MYO9B: variants seen among roughly 807,000 people sequenced by gnomAD.
MYO9B encodes myosin IXB.
In MYO9B, 71 loss-of-function variants were observed where a neutral mutation model predicts 229.5. The ratio of observed to expected loss-of-function variants is 0.31; its 90% CI spans 0.26 to 0.38. The LOEUF is 0.38. Among genes scored for constraint, MYO9B ranks in the 10% least tolerant of loss-of-function variants. The pLI is 1.00. For synonymous variants in MYO9B, 1,185 were observed against 1,235.8 expected, an observed-to-expected ratio of 0.96 and a Z score of 0.86; for missense variants, 2,255 against 2,920.5, an observed-to-expected ratio of 0.77 and a Z score of 5.25.
At chr19:17,096,429 G>C (rs1015213769) in intron 1 of MYO9B, among the ~76,000 whole-genome samples, 5 of 152,020 alleles carry the variant, frequency 3.3e-5, no homozygotes, top group Non-Finnish European at 7.4e-5. Context: ...GACTTTGGGA[G>C]GTCAAGGCAG....
At chr19:17,181,644 C>T (rs1043760133) in intron 15 of MYO9B, among the ~76,000 whole-genome samples, 48 of 152,252 alleles carry the variant, frequency 3.2e-4, no homozygotes, top group African/African-American at 1.1e-3. Flanking sequence ...CATCCACCTG[C>T]GGTCACCACA....
intron 36 of MYO9B, 97 bp downstream of exon 36, chr19:17,209,806 G>A (rs1316261348): frequency 3.5e-6 from 5 of 1,442,620 alleles, no homozygotes; most frequent in Middle Eastern, 2.4e-4. Context: ...GGGAAGGCTG[G>A]TGAGTGGGGT....
chr19:17,104,742 C>A (rs978236308), intron 2 of MYO9B, among the ~76,000 whole-genome samples: 1 of 151,140 alleles, frequency 6.6e-6, no homozygotes, highest in South Asian at 2.1e-4. Flanking sequence ...AAAAAAAAAA[C>A]AAAAAAACAG....
chr19:17,093,968 A>T (rs2057664144), intron 1 of MYO9B, among the ~76,000 whole-genome samples: 1 of 151,858 alleles, frequency 6.6e-6, no homozygotes, highest in African/African-American at 2.4e-5. Context: ...TGCCCTCCTC[A>T]GCCTCCCAAA....
intron 3 of MYO9B, 186 bp from the exon 4 acceptor site, chr19:17,152,458 G>A (rs995941572): frequency 7.9e-6 from 4 of 503,416 alleles, no homozygotes; most frequent in Non-Finnish European, 1.1e-5. Context: ...AACCACTGTG[G>A]GGGCCGAGGC....
At position 17,200,801 on chromosome 19, in the gene MYO9B, A is replaced by C; in HGVS notation, c.4535A>C (p.Lys1512Thr). 1 of 1,614,058 alleles carries C rather than the reference A, an allele frequency of 6.2e-7. No homozygotes were observed. Among genetic ancestry groups the C allele is most frequent in the East Asian group, 2.2e-5 (1 of 44,888 alleles). Residue 1512 changes from lysine (K) to threonine (T), a missense_variant, in exon 26 of 40, where the codon AAG (lysine) becomes ACG (threonine). Lys to Thr is a moderately conservative substitution (Grantham distance 78). Transcript: ENST00000682292. ...FRQITNANEL[K>T]YLDEFLLNKI... The stretch of plus-strand genomic sequence containing the variant: ...CAGATCACCAACGCCAATGAGCTCA[A>C]GTACCTGGACGAGTTCCTGCTCAAC...
Position 17,211,723 on chromosome 19 carries a change from G to T in MYO9B, c.6007G>T (p.Ala2003Ser). The stretch of plus-strand genomic sequence containing the variant: ...GGAGAACCTGGACTCGGAGACGTCG[G>T]CCAGCACCGAGAGCCTGCTGGAGGA... ...DEENLDSETSASTESLLEERA... is the reference protein window; with the variant it reads ...DEENLDSETSSSTESLLEERA... The change falls in exon 39 of 40, where the codon GCC becomes TCC. Residue 2003 changes from alanine to serine, a missense_variant. Ala to Ser is a moderately conservative substitution (Grantham distance 99, BLOSUM62 1). Transcript: ENST00000682292. 1 of 1,612,986 alleles carries T rather than the reference G, an allele frequency of 6.2e-7. No individual in the cohort carries two copies. The highest frequency in any genetic ancestry group is 8.5e-7 in the Non-Finnish European group (1 of 1,179,736).
At chr19:17,146,565 AGATGGATTCATGGGTG>A (rs2072414074) in intron 3 of MYO9B, among the ~76,000 whole-genome samples, 1 of 151,292 alleles carries the variant, frequency 6.6e-6, no homozygotes, top group South Asian at 2.1e-4. Flanking sequence ...ATGGATAGAT[AGATGGATTCATGGGTG>A]GATGGATTCA....
intron 10 of MYO9B, 88 bp from the exon 11 acceptor site, chr19:17,167,855 G>A (rs2072677099): frequency 1.0e-5 from 15 of 1,477,698 alleles, no homozygotes; most frequent in Non-Finnish European, 1.4e-5. Context: ...TTCGGATTAG[G>A]GATACTCGAC....
chr19:17,211,853 G>T (rs774075582), intron 39 of MYO9B, 42 bp from the exon 40 acceptor site: 1 of 1,603,206 alleles, frequency 6.2e-7, no homozygotes, highest in Admixed American at 1.7e-5. Context: ...TCCGGCTGCC[G>T]GCCCTGAAGC....
At chr19:17,179,916 A>AAT (rs2072837770) in intron 14 of MYO9B, among the ~76,000 whole-genome samples, 6 of 151,170 alleles carry the variant, frequency 4.0e-5, no homozygotes, top group African/African-American at 1.5e-4. Flanking sequence ...AAATAAAATA[A>AAT]AAATAAAAAT....
chr19:17,091,779 C>T (rs1231947863), intron 1 of MYO9B, among the ~76,000 whole-genome samples: 3 of 152,190 alleles, frequency 2.0e-5, no homozygotes, highest in African/African-American at 7.2e-5. Context: ...CCCTTCCCTG[C>T]AGCCCTGGCT....
chr19:17,168,261 C>T (rs1376592404), intron 11 of MYO9B, among the ~76,000 whole-genome samples, 197 bp downstream of exon 11: 1 of 152,170 alleles, frequency 6.6e-6, no homozygotes, highest in Non-Finnish European at 1.5e-5. Context: ...ACCTCCTGGG[C>T]TCAAGTGATC....
At chr19:17,162,292 A>G in intron 8 of MYO9B, 58 bp from the exon 9 acceptor site, 4 of 1,410,048 alleles carry the variant, frequency 2.8e-6, no homozygotes, top group South Asian at 1.2e-5. Context: ...ATGACAGAGC[A>G]AGACTCCAGC....
Position 17,101,607 on chromosome 19 carries a change from C to A in MYO9B, c.-58-53C>A. 1 of 1,433,988 alleles carries A rather than the reference C, an allele frequency of 7.0e-7. No individual in the cohort carries two copies. Among genetic ancestry groups the A allele is most frequent in the Non-Finnish European group, 9.1e-7 (1 of 1,094,472 alleles). The allele number at this position is 1,433,988 out of a possible 1,614,324, so 88.8% of individuals were successfully genotyped here. A position where few individuals can be genotyped will look rare whatever the true frequency, so the allele number is the denominator to read the frequency against. On this transcript the variant is annotated intron_variant, in intron 1 of 39. Transcript: ENST00000682292. The surrounding 1 kb of genome is among the most constrained non-coding windows in gnomAD (Gnocchi z 4.7). ...CCCAGGAGTGGGACTCCACATGCCC[C>A]TTAAACTTCCTCCCACCATTCTGAC...
In MYO9B at chr19:17,101,534, C is replaced by A. The variant is rs560207363; in HGVS notation, c.-58-126C>A. The A allele has an allele frequency of 4.1e-6, 4 of 965,158 alleles. No homozygotes were observed. Among genetic ancestry groups the A allele is most frequent in the Non-Finnish European group, 5.9e-6 (4 of 676,388 alleles). The allele number at this position is 965,158 out of a possible 1,614,324, so 59.8% of individuals were successfully genotyped here. A position where few individuals can be genotyped will look rare whatever the true frequency, so the allele number is the denominator to read the frequency against. Reference sequence around the variant, plus strand: ...GACTGGTTGCCTCTGGCTTTTTGGGCGAGCCTAGTCGGGTGGGGAACTCCA... The same window carrying A: ...GACTGGTTGCCTCTGGCTTTTTGGGAGAGCCTAGTCGGGTGGGGAACTCCA... On this transcript the variant is annotated intron_variant, in intron 1 of 39. Coordinates refer to ENST00000682292, the MANE Select transcript of MYO9B (RefSeq NM_004145.4). The surrounding 1 kb of genome is among the most constrained non-coding windows in gnomAD (Gnocchi z 4.7).
intron 19 of MYO9B, 134 bp from the exon 20 acceptor site, chr19:17,190,963 C>T: frequency 2.0e-6 from 2 of 994,754 alleles, no homozygotes; most frequent in South Asian, 3.4e-5. Context: ...TTCTGAAAGC[C>T]TGAAATTTTA....
intron 2 of MYO9B, among the ~76,000 whole-genome samples, chr19:17,143,096 A>C (rs1389000066): frequency 1.3e-5 from 2 of 152,118 alleles, no homozygotes; most frequent in Non-Finnish European, 2.9e-5. Flanking sequence ...AAAGTTAGCC[A>C]GGCGTGGTGG....
In MYO9B at chr19:17,097,933, G is replaced by A. The variant is rs532168195; in HGVS notation, c.-58-3727G>A. 2.4e-4 allele frequency among the ~76,000 whole-genome samples: 36 copies of A among 152,212 alleles called. No individual in the cohort carries two copies. The Middle Eastern group carries it at 0.017, about 72-fold the overall frequency. The stretch of plus-strand genomic sequence containing the variant: ...CACAGACAATAAGGAAAGGAGTGTG[G>A]GCAAGGCTGCCTTCCAGTAAAACTT... On this transcript the variant is annotated intron_variant, in intron 1 of 39. Coordinates refer to ENST00000682292, the MANE Select transcript of MYO9B (RefSeq NM_004145.4).
Sources: allele counts gnomAD v4.1 joint callset (sites outside exome capture counted in the v4.1 genomes callset), GRCh38; gene constraint gnomAD v4.1.1; non-coding constraint Gnocchi (gnomAD v3.1); transcripts MANE v1.5; gene names NCBI Gene and HGNC (gene_info 2026-07-23, HGNC 2026-07-21).